CLYBL: variants seen among roughly 807,000 people sequenced by gnomAD.
CLYBL encodes citramalyl-CoA lyase, mitochondrial.
Under a neutral mutation model 38.9 loss-of-function variants are expected in CLYBL, and 31 were observed. The ratio of observed to expected loss-of-function variants is 0.80; its 90% CI spans 0.60 to 1.08. The LOEUF (loss-of-function observed/expected upper bound fraction) is 1.08, where lower values mean the gene tolerates loss of function less well. Ranked by LOEUF, CLYBL falls within the 50% of genes least tolerant of loss-of-function variation. The pLI, the probability that CLYBL is intolerant of heterozygous loss-of-function variation, is 0.00. For synonymous variants in CLYBL, 171 were observed against 158.6 expected, an observed-to-expected ratio of 1.08 and a Z score of -0.59; for missense variants, 434 against 411.6, an observed-to-expected ratio of 1.05 and a Z score of -0.47.
downstream of CLYBL, among the ~76,000 whole-genome samples, chr13:99,899,847 T>A (rs1378961266): frequency 1.3e-5 from 2 of 152,174 alleles, no homozygotes; most frequent in Non-Finnish European, 2.9e-5. Flanking sequence ...ACAGTAGAGT[T>A]TGGGAATCCC....
chr13:99,866,243 C>A lies in CLYBL; in HGVS notation c.638C>A (p.Ala213Glu). The change falls in exon 6 of 9, where the codon GCA (alanine) becomes GAA (glutamate). Residue 213 changes from alanine (A) to glutamate (E), a missense_variant. By Grantham distance (107) the Ala-to-Glu change is moderately radical (BLOSUM62 -1). Coordinates refer to ENST00000339105, the MANE Select transcript of CLYBL (RefSeq NM_206808.5). ...TCTGTTAACATCCCATTTTCAGGTGCAACAAGTAGTAAAGAAACCCTGGAT... is the reference window on the plus strand; with the variant it reads ...TCTGTTAACATCCCATTTTCAGGTGAAACAAGTAGTAAAGAAACCCTGGAT... ...GGEDFRASIG[A>E]TSSKETLDIL... 1 of 1,613,250 alleles carries A rather than the reference C, an allele frequency of 6.2e-7. No individual in the cohort carries two copies. The highest frequency in any genetic ancestry group is 8.5e-7 in the Non-Finnish European group (1 of 1,179,876).
intron 1 of CLYBL, among the ~76,000 whole-genome samples, chr13:99,611,358 G>T (rs543769756): frequency 1.3e-5 from 2 of 152,106 alleles, no homozygotes; most frequent in African/African-American, 4.8e-5. Context: ...AGTTTTGATC[G>T]AGTGGATTTG....
At chr13:99,700,633 T>C (rs1220486435) in intron 1 of CLYBL, among the ~76,000 whole-genome samples, 1 of 152,138 alleles carries the variant, frequency 6.6e-6, no homozygotes. Flanking sequence ...TCCCAGCAGC[T>C]GAGGGGCCCC....
intron 1 of CLYBL, among the ~76,000 whole-genome samples, chr13:99,615,730 G>A (rs1212544532): frequency 1.3e-5 from 2 of 152,176 alleles, no homozygotes; most frequent in Non-Finnish European, 2.9e-5. Context: ...GAATGATGCA[G>A]ACTTGAGATT....
intron 1 of CLYBL, among the ~76,000 whole-genome samples, chr13:99,706,910 C>T (rs1879312265): frequency 6.6e-6 from 1 of 152,192 alleles, no homozygotes; most frequent in African/African-American, 2.4e-5. Context: ...TGAAGCCATC[C>T]TCAAGCCTCA....
chr13:99,885,512 G>T (rs1208013553), intron 7 of CLYBL, among the ~76,000 whole-genome samples: 1 of 152,136 alleles, frequency 6.6e-6, no homozygotes, highest in Non-Finnish European at 1.5e-5. Context: ...CAGGGTTAAA[G>T]CAAGTGGATG....
At chr13:99,876,171 C>T (rs2052036131) in intron 7 of CLYBL, among the ~76,000 whole-genome samples, 1 of 148,478 alleles carries the variant, frequency 6.7e-6, no homozygotes, top group Non-Finnish European at 1.5e-5. Context: ...CCTGTAATCC[C>T]AGCACTTTGA....
chr13:99,633,197 C>A (rs2046970766), intron 1 of CLYBL, among the ~76,000 whole-genome samples: 3 of 92,538 alleles, frequency 3.2e-5, no homozygotes, highest in African/African-American at 8.3e-5. Context: ...GGCAACAGAG[C>A]AAGATCCTGT....
intron 2 of CLYBL, among the ~76,000 whole-genome samples, chr13:99,851,901 C>T (rs891818055): frequency 3.9e-5 from 6 of 152,150 alleles, no homozygotes; most frequent in African/African-American, 1.4e-4. Context: ...TGAATGTCCA[C>T]GGCAGCATTT....
rs145644477 is a variant in CLYBL, at chr13:99,668,039, C to T, written c.62+61282C>T. 6.9e-3 allele frequency among the ~76,000 whole-genome samples: 1,050 copies of T among 151,402 alleles called. 12 individuals carry two copies. The highest frequency in any genetic ancestry group is 0.024 in the African/African-American group (1,000 of 41,230). ...CTGTAATTCCAGCACTTTAGGAGGC[C>T]GAGGTGGGAGGATTGATTGAGGTCA... On this transcript the variant is annotated intron_variant, in intron 1 of 8. Transcript: ENST00000339105.
At chr13:99,745,922 CA>C (rs1263338772) in intron 1 of CLYBL, among the ~76,000 whole-genome samples, 1 of 150,552 alleles carries the variant, frequency 6.6e-6, no homozygotes, top group Non-Finnish European at 1.5e-5. Flanking sequence ...AGCTATGTAA[CA>C]TTTTGGCCTC....
intron 1 of CLYBL, among the ~76,000 whole-genome samples, chr13:99,633,699 A>G (rs1445605673): frequency 6.6e-6 from 1 of 152,176 alleles, no homozygotes; most frequent in Non-Finnish European, 1.5e-5. Flanking sequence ...CAGCACTGTG[A>G]ATTTTAAACT....
intron 2 of CLYBL, among the ~76,000 whole-genome samples, chr13:99,818,265 G>A (rs1466282937): frequency 6.6e-6 from 1 of 152,120 alleles, no homozygotes; most frequent in Non-Finnish European, 1.5e-5. Flanking sequence ...CACTTTGGCT[G>A]ATAGCATGTG....
At chr13:99,666,958 T>G (rs529815163) in intron 1 of CLYBL, among the ~76,000 whole-genome samples, 1 of 152,234 alleles carries the variant, frequency 6.6e-6, no homozygotes, top group East Asian at 1.9e-4. Context: ...AGTGGATGCC[T>G]CTCACCCTGC....
At position 99,840,750 on chromosome 13, in the gene CLYBL, C is replaced by CAAA. The variant is rs59274056; in HGVS notation, c.250-18083_250-18081dup. Among the ~76,000 whole-genome samples, 150 of 16,790 alleles carry CAAA rather than the reference C, an allele frequency of 8.9e-3. 9 individuals are homozygous for CAAA. The highest frequency in any genetic ancestry group is 0.025 in the African/African-American group (106 of 4,276). 11.0% of individuals were successfully genotyped at this position (16,790 alleles called of 152,430 possible). On this transcript the variant is annotated intron_variant, in intron 2 of 8. Coordinates refer to ENST00000339105, the MANE Select transcript of CLYBL (RefSeq NM_206808.5). ...GGGTGACAGAGTGAGACCCTTGTCT[C>CAAA]AAAAAAAAAAAAAAAAAAAAAAAAA...
chr13:99,622,657 C>T (rs561222724), intron 1 of CLYBL, among the ~76,000 whole-genome samples: 5 of 152,292 alleles, frequency 3.3e-5, no homozygotes, highest in Non-Finnish European at 5.9e-5. Flanking sequence ...ACATTTTCAT[C>T]GCCCTAAAGG....
intron 1 of CLYBL, among the ~76,000 whole-genome samples, chr13:99,665,791 T>C (rs2047472415): frequency 6.6e-6 from 1 of 152,196 alleles, no homozygotes. Context: ...AACGTCAAAA[T>C]GGTCAAACTG....
chr13:99,818,097 A>G lies in CLYBL; in HGVS notation c.250-40764A>G, dbSNP rs552853932. ...AGGAGGAAGGGAGAAAAAAAAAAGG[A>G]AAGACCTGGATTCCAATTCTTGCCC... On this transcript the variant is annotated intron_variant, in intron 2 of 8. Coordinates refer to ENST00000339105, the MANE Select transcript of CLYBL (RefSeq NM_206808.5). Among the ~76,000 whole-genome samples, 3 of 151,936 alleles carry G rather than the reference A, an allele frequency of 2.0e-5. 1 individual carries two copies. The highest frequency in any genetic ancestry group is 7.2e-5 in the African/African-American group (3 of 41,430).
At chr13:99,854,432 G>A (rs1428631214) in intron 2 of CLYBL, among the ~76,000 whole-genome samples, 6 of 151,126 alleles carry the variant, frequency 4.0e-5, no homozygotes, top group South Asian at 4.2e-4. Context: ...CATCCTATCC[G>A]ACAGTAGAAT....
Sources: gnomAD v4.1 joint callset for allele counts (sites outside exome capture counted in the v4.1 genomes callset) on GRCh38, gnomAD v4.1.1 for gene constraint, MANE v1.5 for transcripts, NCBI Gene and HGNC (gene_info 2026-07-23, HGNC 2026-07-21) for gene names.